Variants in DAP observed in about 807,000 individuals in gnomAD.
The protein encoded by DAP is death-associated protein 1.
In DAP, 8 loss-of-function variants were observed where a neutral mutation model predicts 13.8. That is an observed-to-expected ratio of 0.58 (90% CI 0.34 to 1.05). The LOEUF (loss-of-function observed/expected upper bound fraction) is 1.05, where lower values mean the gene tolerates loss of function less well. DAP is among the 50% of genes least tolerant of loss of function. The pLI is 0.03. For synonymous variants in DAP, 47 were observed against 47.5 expected, an observed-to-expected ratio of 0.99 and a Z score of 0.04; for missense variants, 106 against 133.2, an observed-to-expected ratio of 0.80 and a Z score of 1.01.
intron 1 of DAP, among the ~76,000 whole-genome samples, 176 bp from the exon 2 acceptor site, chr5:10,748,447 C>T (rs546495484): frequency 8.5e-5 from 13 of 152,300 alleles, no homozygotes; most frequent in East Asian, 7.7e-4. Context: ...CAAAATGATA[C>T]AGCACTCAAC....
intron 1 of DAP, among the ~76,000 whole-genome samples, chr5:10,750,367 A>G (rs1740016534): frequency 1.3e-5 from 2 of 152,314 alleles, no homozygotes; most frequent in Non-Finnish European, 2.9e-5. Flanking sequence ...GTTTGCTCCC[A>G]GGACCAGCAC....
chr5:10,699,175 TCTACCTAC>T (rs975762417), intron 2 of DAP, among the ~76,000 whole-genome samples: 1 of 152,178 alleles, frequency 6.6e-6, no homozygotes, highest in Non-Finnish European at 1.5e-5. Context: ...TTTGTTCACA[TCTACCTAC>T]CTACCTACCT....
At chr5:10,753,804 A>G (rs1184867280) in intron 1 of DAP, among the ~76,000 whole-genome samples, 1 of 152,260 alleles carries the variant, frequency 6.6e-6, no homozygotes, top group Non-Finnish European at 1.5e-5. Context: ...ATGACTCACA[A>G]GTATATGCTA....
At chr5:10,716,229 T>C (rs1738983600) in intron 2 of DAP, among the ~76,000 whole-genome samples, 1 of 152,216 alleles carries the variant, frequency 6.6e-6, no homozygotes, top group Non-Finnish European at 1.5e-5. Context: ...CTGAAACTGC[T>C]GGTAAGAAGA....
chr5:10,734,426 C>T (rs1183307855), intron 2 of DAP, among the ~76,000 whole-genome samples: 1 of 152,224 alleles, frequency 6.6e-6, no homozygotes, highest in African/African-American at 2.4e-5. Flanking sequence ...CCCGCACTTT[C>T]TTTCTTATCC....
At chr5:10,689,016 G>A (rs892446048) in intron 2 of DAP, among the ~76,000 whole-genome samples, 1 of 152,164 alleles carries the variant, frequency 6.6e-6, no homozygotes, top group Admixed American at 6.5e-5. Flanking sequence ...CCACAGTCCC[G>A]CCCTTCCTCC....
chr5:10,706,954 G>A (rs759665351), intron 2 of DAP, among the ~76,000 whole-genome samples: 6 of 152,204 alleles, frequency 3.9e-5, no homozygotes, highest in African/African-American at 7.2e-5. Context: ...ACCTGGTCAC[G>A]CGCTTCCTCC....
At chr5:10,695,739 G>A (rs1738423513) in intron 2 of DAP, among the ~76,000 whole-genome samples, 1 of 152,144 alleles carries the variant, frequency 6.6e-6, no homozygotes, top group Non-Finnish European at 1.5e-5. Flanking sequence ...TCTGGGTCTG[G>A]GCCAGGTCTG....
intron 2 of DAP, among the ~76,000 whole-genome samples, chr5:10,729,055 T>C (rs759289679): frequency 3.9e-5 from 6 of 152,252 alleles, no homozygotes; most frequent in Non-Finnish European, 5.9e-5. Flanking sequence ...TGTTGTTAAT[T>C]GTCCTAGTTT....
At chr5:10,743,104 A>G (rs1250669517) in intron 2 of DAP, among the ~76,000 whole-genome samples, 1 of 152,240 alleles carries the variant, frequency 6.6e-6, no homozygotes, top group African/African-American at 2.4e-5. Context: ...TAGTATTCAC[A>G]TAAGGCAATT....
chr5:10,721,863 C>T (rs145932972), intron 2 of DAP, among the ~76,000 whole-genome samples: 1 of 152,174 alleles, frequency 6.6e-6, no homozygotes, highest in African/African-American at 2.4e-5. Context: ...TACACTTGTA[C>T]TAAGAAAATA....
intron 2 of DAP, among the ~76,000 whole-genome samples, chr5:10,742,714 C>T (rs925428834): frequency 1.1e-4 from 16 of 152,066 alleles, no homozygotes; most frequent in Admixed American, 2.6e-4. Flanking sequence ...CTGTCCTGGC[C>T]TGGAATCAAC....
rs150389064 is a variant in DAP at position 10,689,367 on chromosome 5, G to A, written c.153-5796C>T. 3.1e-3 allele frequency among the ~76,000 whole-genome samples: 468 copies of A among 152,260 alleles called. 1 individual carries two copies. The highest frequency in any genetic ancestry group is 0.01 in the African/African-American group (426 of 41,548). ...AAAGGAGACCCCCAGCAGTAAGAATGACCCTCCCCCCACAGGCCCAGCTCA... is the reference window on the plus strand; with the variant it reads ...AAAGGAGACCCCCAGCAGTAAGAATAACCCTCCCCCCACAGGCCCAGCTCA... On this transcript the variant is annotated intron_variant, in intron 2 of 3. Coordinates refer to ENST00000230895, the MANE Select transcript of DAP (RefSeq NM_004394.3).
Position 10,707,698 on chromosome 5 carries a change from G to A in DAP, c.153-24127C>T, listed in dbSNP as rs574562304. Among the ~76,000 whole-genome samples, 1 of 152,244 alleles carries A rather than the reference G, an allele frequency of 6.6e-6. No homozygotes were observed. Among genetic ancestry groups the A allele is most frequent in the Admixed American group, 6.5e-5 (1 of 15,290 alleles). ...TGGTGCACAGGCGGCGTGATGTACA[G>A]GTGGTGTGATGCATGGGTGGTGTGG... On this transcript the variant is annotated intron_variant, in intron 2 of 3. Coordinates refer to ENST00000230895, the MANE Select transcript of DAP (RefSeq NM_004394.3). This position sits in a 1 kb window ranked among gnomAD's most constrained non-coding sequence, Gnocchi z 4.0.
chr5:10,684,195 C>T (rs922231411), intron 2 of DAP, among the ~76,000 whole-genome samples: 5 of 152,164 alleles, frequency 3.3e-5, no homozygotes, highest in African/African-American at 9.7e-5. Context: ...TTAATGAGAT[C>T]GTGAAACAGG....
chr5:10,741,089 G>A (rs1192802011), intron 2 of DAP, among the ~76,000 whole-genome samples: 1 of 152,160 alleles, frequency 6.6e-6, no homozygotes, highest in East Asian at 1.9e-4. Context: ...GGTGGTTCAC[G>A]CCTGTAATCC....
chr5:10,743,681 A>C (rs1230647646), intron 2 of DAP, among the ~76,000 whole-genome samples: 1 of 152,186 alleles, frequency 6.6e-6, no homozygotes, highest in East Asian at 1.9e-4. Flanking sequence ...TCCTTTACAT[A>C]ATGAAACTGG....
intron 2 of DAP, among the ~76,000 whole-genome samples, chr5:10,695,224 T>C (rs1738404049): frequency 6.6e-6 from 1 of 152,204 alleles, no homozygotes; most frequent in Non-Finnish European, 1.5e-5. Context: ...ACTGACAACA[T>C]TTCCACAAGA....
chr5:10,724,211 T>C (rs1160903047), intron 2 of DAP, among the ~76,000 whole-genome samples: 1 of 152,240 alleles, frequency 6.6e-6, no homozygotes, highest in Non-Finnish European at 1.5e-5. Context: ...ACCAAAGGAA[T>C]GCAGATGGCC....
Sources: allele counts gnomAD v4.1 joint callset (sites outside exome capture counted in the v4.1 genomes callset), GRCh38; gene constraint gnomAD v4.1.1; non-coding constraint Gnocchi (gnomAD v3.1); transcripts MANE v1.5; gene names NCBI Gene and HGNC (gene_info 2026-07-23, HGNC 2026-07-21).